Variants in RENBP observed in about 807,000 individuals in gnomAD.
The protein encoded by RENBP is renin binding protein.
A neutral mutation model predicts 37.8 loss-of-function variants in RENBP; 16 were observed. The observed-to-expected ratio is 0.42, with a 90% CI of 0.29 to 0.64. The LOEUF (loss-of-function observed/expected upper bound fraction) is 0.64. RENBP is among the 30% of genes least tolerant of loss of function. The pLI is 0.19. For missense variants in RENBP, 347 were observed against 379.5 expected, an observed-to-expected ratio of 0.91 and a Z score of 0.71; for synonymous variants, 170 against 154.8, an observed-to-expected ratio of 1.10 and a Z score of -0.73.
Position 153,944,621 on chromosome X carries a change from C to T in RENBP, c.-11G>A. 6.9e-6 allele frequency: 8 copies of T among 1,166,489 alleles called. No individual in the cohort carries two copies. Among genetic ancestry groups the T allele is most frequent in the Non-Finnish European group, 9.2e-6 (8 of 872,134 alleles). ...GAGACCCTTGCTCATCCCTCCTGCT[C>T]CTCTAGGAAGCCAGACAGAGTTGGT... On this transcript the variant is annotated 5_prime_UTR_variant, in exon 1 of 11. Transcript: ENST00000393700.
Position 153,935,412 on chromosome X carries a change from T to G in RENBP, c.1166-8A>C, listed in dbSNP as rs782216959. The G allele has an allele frequency of 7.9e-6, 9 of 1,145,352 alleles. No individual in the cohort carries two copies. The African/African-American group carries it at 1.1e-4, about 14-fold the overall frequency. 94.4% of individuals were successfully genotyped at this position (1,145,352 alleles called of 1,213,427 possible). On this transcript the variant is annotated splice_region_variant and splice_polypyrimidine_tract_variant and intron_variant, in intron 10 of 10. Coordinates refer to ENST00000393700, the MANE Select transcript of RENBP (RefSeq NM_002910.6). ...GCGGCACGTGGAAGCAGCCTGCGGG[T>G]AGAGGCGGGCAGGTAGTGAGGGCCG...
intron 1 of RENBP, 27 bp from the exon 2 acceptor site, chrX:153,944,445 A>G: frequency 8.4e-7 from 1 of 1,187,737 alleles, no homozygotes; most frequent in Non-Finnish European, 1.1e-6. Context: ...TTGAAGGCGC[A>G]GCCCCCACAT....
At chrX:153,940,878 G>A (rs1183512716) in intron 8 of RENBP, among the ~76,000 whole-genome samples, 2 of 111,738 alleles carry the variant, frequency 1.8e-5, no homozygotes, top group African/African-American at 3.3e-5. Flanking sequence ...GGTGGCTCAC[G>A]CCTATAATCC....
At chrX:153,943,345 CT>C (rs1266546163) in intron 5 of RENBP, among the ~76,000 whole-genome samples, 200 bp downstream of exon 5, 1 of 112,604 alleles carries the variant, frequency 8.9e-6, no homozygotes, top group East Asian at 2.8e-4. Flanking sequence ...AGGGAAGGGC[CT>C]TTTCCCAGTT....
rs183725640 is a variant in RENBP, at chrX:153,935,586, C to A, written c.1078-10G>T. On this transcript the variant is annotated splice_polypyrimidine_tract_variant and intron_variant, in intron 9 of 10. Coordinates refer to ENST00000393700, the MANE Select transcript of RENBP (RefSeq NM_002910.6). The stretch of plus-strand genomic sequence containing the variant: ...ACTCGGGATCGCGAAACTGGAATAA[C>A]AGAGACAGTGACAGCTAGCGCCTGC... 1,381 of 1,196,309 alleles carry A rather than the reference C, an allele frequency of 1.2e-3. 17 individuals are homozygous for A. The Admixed American group carries it at 0.021, about 18-fold the overall frequency.
chrX:153,941,947 C>CCCCCA lies in RENBP; in HGVS notation c.769+2_769+3insTGGGG. On this transcript the variant is annotated splice_region_variant and intron_variant, in intron 7 of 10. Coordinates refer to ENST00000393700, the MANE Select transcript of RENBP (RefSeq NM_002910.6). ...GTGGCCCCCAGCCCACCCCGCCCCTCACCTGGGTTCTGCTGTCTCCCCAGG... is the reference window on the plus strand; with the variant it reads ...GTGGCCCCCAGCCCACCCCGCCCCTCCCCCAACCTGGGTTCTGCTGTCTCCCCAGG... The CCCCCA allele has an allele frequency of 9.1e-7, 1 of 1,101,427 alleles. No individual in the cohort carries two copies. The highest frequency in any genetic ancestry group is 1.3e-6 in the Non-Finnish European group (1 of 796,314). The allele number at this position is 1,101,427 out of a possible 1,213,427, so 90.8% of individuals were successfully genotyped here.
At chrX:153,937,542 A>G (rs2065208792) in intron 9 of RENBP, among the ~76,000 whole-genome samples, 1 of 111,420 alleles carries the variant, frequency 9.0e-6, no homozygotes, top group South Asian at 3.8e-4. Context: ...CCCAGGTTCC[A>G]GTGATTCTCC....
chrX:153,942,230 G>GTTT (rs782716689), intron 6 of RENBP, 199 bp from the exon 7 acceptor site: 1,583 of 93,368 alleles, frequency 0.017, 2 homozygotes, highest in South Asian at 0.022. Context: ...GCAAGTTGTT[G>GTTT]TTTTTTTTTT....
At chrX:153,942,759 ATC>A in intron 6 of RENBP, 94 bp downstream of exon 6, 4 of 722,507 alleles carry the variant, frequency 5.5e-6, no homozygotes, top group Middle Eastern at 3.3e-4. Flanking sequence ...ACATCCCCGA[ATC>A]TCTGTCTCTC....
At chrX:153,939,589 G>C (rs782652044) in intron 9 of RENBP, among the ~76,000 whole-genome samples, 66 of 111,706 alleles carry the variant, frequency 5.9e-4, no homozygotes, top group African/African-American at 2.1e-3. Context: ...GTTCCCTACA[G>C]ACTTCCCCCA....
chrX:153,941,424 G>C, intron 8 of RENBP, 54 bp downstream of exon 8: 1 of 1,171,696 alleles, frequency 8.5e-7, no homozygotes, highest in East Asian at 3.0e-5. Context: ...CACCTCCCTG[G>C]GCAGAAAGCC....
At chrX:153,936,379 A>G (rs1323639536) in intron 9 of RENBP, among the ~76,000 whole-genome samples, 2 of 102,710 alleles carry the variant, frequency 1.9e-5, no homozygotes, top group East Asian at 3.2e-4. Flanking sequence ...GGTGGCGGGC[A>G]CCTGTAGTCC....
chrX:153,941,925 G>GGGGCC, intron 7 of RENBP, 25 bp downstream of exon 7: 1 of 708,485 alleles, frequency 1.4e-6, no homozygotes, highest in Non-Finnish European at 2.3e-6. Context: ...CTCCTGGGTG[G>GGGGCC]CCCCCAGCCC....
chrX:153,942,631 G>A (rs1216579727), intron 6 of RENBP: 8 of 423,316 alleles, frequency 1.9e-5, no homozygotes, highest in South Asian at 3.6e-5. Flanking sequence ...CGGGTTTCAC[G>A]GCCCAGAGGC....
chrX:153,937,570 T>C (rs1246585377), intron 9 of RENBP, among the ~76,000 whole-genome samples: 1 of 111,172 alleles, frequency 9.0e-6, no homozygotes, highest in Non-Finnish European at 1.9e-5. Flanking sequence ...GCCTCCTGAG[T>C]AGCTGGGATT....
intron 7 of RENBP, 130 bp from the exon 8 acceptor site, chrX:153,941,783 C>G (rs1250495100): frequency 1.8e-5 from 13 of 729,334 alleles, no homozygotes; most frequent in Non-Finnish European, 2.6e-5. Context: ...AGCTCCCTGG[C>G]CCTGGAAGCC....
intron 8 of RENBP, 129 bp from the exon 9 acceptor site, chrX:153,940,362 A>AC: frequency 2.5e-6 from 2 of 808,687 alleles, no homozygotes; most frequent in South Asian, 5.0e-5. Flanking sequence ...GTTCTGAAGG[A>AC]CCCCTCCCAG....
At chrX:153,938,897 G>T (rs1313033138) in intron 9 of RENBP, among the ~76,000 whole-genome samples, 1 of 101,428 alleles carries the variant, frequency 9.9e-6, no homozygotes, top group South Asian at 5.4e-4. Context: ...GGGTTCAAGC[G>T]ATTCTCCTGC....
rs781903226 is a variant in RENBP at position 153,944,155 on chromosome X, C to A, written c.138G>T (p.Gly46=). 8.3e-7 allele frequency: 1 copy of A among 1,210,173 alleles called. No homozygotes were observed. The highest frequency in any genetic ancestry group is 1.1e-6 in the Non-Finnish European group (1 of 894,598). The part of the protein sequence containing the change: ...WMEHSHDQEH[G]GFFTCLGREG... ...CGCGGCCAAGGCACGTGAAGAAGCC[C>A]CTGTGGGAAGGCAGGGTTAGCAAAG... Residue 46 remains glycine, a splice_region_variant and synonymous_variant, in exon 3 of 11, where the codon GGG becomes GGT. Coordinates refer to ENST00000393700, the MANE Select transcript of RENBP (RefSeq NM_002910.6).
Sources: gnomAD v4.1 joint callset for allele counts (sites outside exome capture counted in the v4.1 genomes callset) on GRCh38, gnomAD v4.1.1 for gene constraint, MANE v1.5 for transcripts, NCBI Gene and HGNC (gene_info 2026-07-23, HGNC 2026-07-21) for gene names.